Variants in EIF2B3 observed in about 807,000 individuals in gnomAD.
EIF2B3 encodes the protein eukaryotic translation initiation factor 2B subunit gamma.
A neutral mutation model predicts 54.1 loss-of-function variants in EIF2B3; 20 were observed. The ratio of observed to expected loss-of-function variants is 0.37; its 90% CI spans 0.26 to 0.54. EIF2B3 has a LOEUF of 0.54. Ranked by LOEUF, EIF2B3 falls within the 20% of genes least tolerant of loss-of-function variation. EIF2B3 has a pLI of 0.86. For missense variants in EIF2B3, 448 were observed against 547.8 expected, an observed-to-expected ratio of 0.82 and a Z score of 1.82; for synonymous variants, 153 against 188.1, an observed-to-expected ratio of 0.81 and a Z score of 1.52.
At chr1:44,897,832 G>C (rs1342730073) in intron 5 of EIF2B3, among the ~76,000 whole-genome samples, 1 of 151,224 alleles carries the variant, frequency 6.6e-6, no homozygotes, top group Non-Finnish European at 1.5e-5. Flanking sequence ...CGTCTCCCAG[G>C]CTCAAGCAAT....
chr1:44,927,058 C>T (rs534068167), intron 4 of EIF2B3, among the ~76,000 whole-genome samples: 74 of 151,388 alleles, frequency 4.9e-4, no homozygotes, highest in Non-Finnish European at 8.5e-4. Context: ...TACTTGAACC[C>T]GGGAGGTGGA....
At chr1:44,859,584 G>A (rs1232183295) in intron 10 of EIF2B3, among the ~76,000 whole-genome samples, 1 of 151,812 alleles carries the variant, frequency 6.6e-6, no homozygotes, top group Admixed American at 6.6e-5. Context: ...ATTGAACCTG[G>A]GAGGCGGAGG....
intron 10 of EIF2B3, among the ~76,000 whole-genome samples, chr1:44,869,838 C>A (rs1654907915): frequency 6.6e-6 from 1 of 151,924 alleles, no homozygotes; most frequent in Non-Finnish European, 1.5e-5. Flanking sequence ...TGACTCAAAG[C>A]TCATGTTCTA....
intron 5 of EIF2B3, among the ~76,000 whole-genome samples, chr1:44,907,312 C>A (rs1643430401): frequency 6.6e-6 from 1 of 152,170 alleles, no homozygotes; most frequent in Non-Finnish European, 1.5e-5. Flanking sequence ...GTACTCCCAG[C>A]ACTTTGGGTG....
intron 5 of EIF2B3, among the ~76,000 whole-genome samples, chr1:44,918,189 T>G (rs1487930273): frequency 6.6e-6 from 1 of 150,832 alleles, no homozygotes; most frequent in African/African-American, 2.4e-5. Flanking sequence ...GTTCAAGCGA[T>G]TCTCCTGCCT....
chr1:44,946,633 T>C (rs1644105539), intron 3 of EIF2B3, among the ~76,000 whole-genome samples: 1 of 149,996 alleles, frequency 6.7e-6, no homozygotes, highest in South Asian at 2.1e-4. Context: ...TCTTCTTTTT[T>C]TTTTTTTTTT....
At chr1:44,966,589 A>T (rs755672504) in intron 3 of EIF2B3, among the ~76,000 whole-genome samples, 3 of 152,158 alleles carry the variant, frequency 2.0e-5, no homozygotes, top group Non-Finnish European at 4.4e-5. Context: ...GTGGAGGAAG[A>T]TCTTAAAAGA....
At position 44,945,533 on chromosome 1, in the gene EIF2B3, A is replaced by G. The variant is rs1272593218; in HGVS notation, c.295-3868T>C. ...CGCGCCACTGCACTCCAGCCTGGGT[A>G]ACAGCGCAAGACTCCGTCTCAAAAA... is the stretch of plus-strand genomic sequence containing the variant. On this transcript the variant is annotated intron_variant, in intron 3 of 11. Transcript: ENST00000360403. 4.0e-5 allele frequency among the ~76,000 whole-genome samples: 6 copies of G among 151,192 alleles called. No individual in the cohort carries two copies. In the East Asian group the frequency reaches 1.2e-3, roughly 29 times the overall value.
At chr1:44,899,313 G>A (rs1354635397) in intron 5 of EIF2B3, among the ~76,000 whole-genome samples, 1 of 152,108 alleles carries the variant, frequency 6.6e-6, no homozygotes, top group Non-Finnish European at 1.5e-5. Context: ...TCACATGACT[G>A]TTTATAATCA....
rs74327508 is a variant in EIF2B3, at chr1:44,886,865, T to C, written c.657-5126A>G. On this transcript the variant is annotated intron_variant, in intron 6 of 11. Transcript: ENST00000360403. ...TGAATTTGCTGTGATTCTGGGGGCTTCCTAATTCATGAATCATTAATTGTT... is the reference window on the plus strand; with the variant it reads ...TGAATTTGCTGTGATTCTGGGGGCTCCCTAATTCATGAATCATTAATTGTT... 5.6e-3 allele frequency among the ~76,000 whole-genome samples: 850 copies of C among 152,322 alleles called. 36 individuals carry two copies. In the East Asian group the frequency reaches 0.12, roughly 21 times the overall value.
rs186527710 is a variant in EIF2B3 at position 44,852,507 on chromosome 1, C to T, written c.1307-1504G>A. On this transcript the variant is annotated intron_variant, in intron 11 of 11. Transcript: ENST00000360403. Reference sequence around the variant, plus strand: ...ATAAGAACATTGAGGGCGCTGGGCGCGGTGGCTCATGCCTCTAATCCCAGC... The same window carrying T: ...ATAAGAACATTGAGGGCGCTGGGCGTGGTGGCTCATGCCTCTAATCCCAGC... Among the ~76,000 whole-genome samples, 116 of 152,110 alleles carry T rather than the reference C, an allele frequency of 7.6e-4. 1 individual carries two copies. The highest frequency in any genetic ancestry group is 2.3e-3 in the African/African-American group (97 of 41,536).
intron 4 of EIF2B3, chr1:44,932,518 C>T (rs1272966705): frequency 6.6e-6 from 1 of 152,118 alleles, no homozygotes; most frequent in East Asian, 1.9e-4. Flanking sequence ...ATAAAGAGAC[C>T]TAATACAACC....
intron 6 of EIF2B3, among the ~76,000 whole-genome samples, chr1:44,882,655 C>T (rs1053576862): frequency 1.3e-5 from 2 of 150,868 alleles, no homozygotes; most frequent in African/African-American, 4.9e-5. Flanking sequence ...TGCTCTATCG[C>T]CCAGGCTGGA....
At chr1:44,958,608 A>C (rs1357529215) in intron 3 of EIF2B3, 49 of 1,495,850 alleles carry the variant, frequency 3.3e-5, no homozygotes, top group Non-Finnish European at 4.4e-5. Flanking sequence ...GTGTGGCATC[A>C]AACTCTATGG....
intron 5 of EIF2B3, among the ~76,000 whole-genome samples, chr1:44,908,391 A>T (rs916413361): frequency 1.3e-5 from 2 of 152,216 alleles, no homozygotes; most frequent in African/African-American, 4.8e-5. Context: ...GATTAGAAAA[A>T]TCTTCACAGA....
intron 5 of EIF2B3, among the ~76,000 whole-genome samples, chr1:44,897,835 C>A (rs1297613260): frequency 6.6e-6 from 1 of 151,064 alleles, no homozygotes; most frequent in African/African-American, 2.4e-5. Flanking sequence ...CTCCCAGGCT[C>A]AAGCAATTCT....
chr1:44,935,396 T>C (rs1236837954), intron 4 of EIF2B3, among the ~76,000 whole-genome samples: 4 of 152,220 alleles, frequency 2.6e-5, no homozygotes, highest in Non-Finnish European at 5.9e-5. Flanking sequence ...TTATTGCAAG[T>C]TTAAGATATA....
In EIF2B3 at chr1:44,933,567, G is replaced by T. The variant is rs139534012; in HGVS notation, c.455-6828C>A. On this transcript the variant is annotated intron_variant, in intron 4 of 11. Coordinates refer to ENST00000360403, the MANE Select transcript of EIF2B3 (RefSeq NM_020365.5). ...GGGGTGAGGATAGATAGGGTGAGGGGCTGCTATTTATTATAATATATCTTA... is the reference window on the plus strand; with the variant it reads ...GGGGTGAGGATAGATAGGGTGAGGGTCTGCTATTTATTATAATATATCTTA... 2.3e-3 allele frequency among the ~76,000 whole-genome samples: 356 copies of T among 152,060 alleles called. 12 individuals carry two copies. The East Asian group carries it at 0.064, about 27-fold the overall frequency.
chr1:44,931,428 T>C (rs12755554), intron 4 of EIF2B3, among the ~76,000 whole-genome samples: 33,705 of 152,162 alleles, frequency 0.22, 4,064 homozygotes, highest in Admixed American at 0.33. Context: ...CACAGTGTTG[T>C]TTTAAACTGT....
Sources: gnomAD v4.1 joint callset for allele counts (sites outside exome capture counted in the v4.1 genomes callset) on GRCh38, gnomAD v4.1.1 for gene constraint, MANE v1.5 for transcripts, NCBI Gene and HGNC (gene_info 2026-07-23, HGNC 2026-07-21) for gene names.